The following UBE2E2 variants were observed in gnomAD, a reference collection of about 807,000 sequenced individuals.
UBE2E2 encodes ubiquitin conjugating enzyme E2 E2, also known as ubiquitin-conjugating enzyme E2 E2.
In UBE2E2, 6 loss-of-function variants were observed where a neutral mutation model predicts 24.7. The ratio of observed to expected loss-of-function variants is 0.24; its 90% CI spans 0.13 to 0.48. The LOEUF (loss-of-function observed/expected upper bound fraction) is 0.48. Ranked by LOEUF, UBE2E2 falls within the 20% of genes least tolerant of loss-of-function variation. UBE2E2 has a pLI of 0.99. For missense variants in UBE2E2, 169 were observed against 245.0 expected (o/e 0.69, Z 2.07); for synonymous variants, 104 against 83.6 (o/e 1.24, Z -1.33).
At chr3:23,244,554 A>G (rs1644205270) in intron 3 of UBE2E2, among the ~76,000 whole-genome samples, 1 of 152,200 alleles carries the variant, frequency 6.6e-6, no homozygotes, top group South Asian at 2.1e-4. Context: ...GAGTACTAGA[A>G]CAATGCTTCA....
intron 3 of UBE2E2, among the ~76,000 whole-genome samples, chr3:23,282,402 T>A (rs1698509599): frequency 6.6e-6 from 1 of 152,228 alleles, no homozygotes; most frequent in Non-Finnish European, 1.5e-5. Context: ...TTATGCATGA[T>A]TTTCCTTGCT....
chr3:23,522,200 A>G (rs1694884070), intron 4 of UBE2E2, among the ~76,000 whole-genome samples: 1 of 142,706 alleles, frequency 7.0e-6, no homozygotes, highest in South Asian at 2.2e-4. Context: ...GCACGATCTC[A>G]GCTCACTGCA....
chr3:23,322,345 G>C (rs1037105201), intron 3 of UBE2E2, among the ~76,000 whole-genome samples: 5 of 152,114 alleles, frequency 3.3e-5, no homozygotes, highest in Non-Finnish European at 5.9e-5. Flanking sequence ...TACATTTAGT[G>C]CCTGCACTTA....
Position 23,540,049 on chromosome 3 carries a change from G to GT in UBE2E2, c.508+7354dup, listed in dbSNP as rs1388298198. The stretch of plus-strand genomic sequence containing the variant: ...TATTTAGTAAGGTTTAGGAATTAGG[G>GT]TTTTTTGTTTATTATTTATTTATTT... On this transcript the variant is annotated intron_variant, in intron 5 of 5. Transcript: ENST00000396703. 4.0e-5 allele frequency among the ~76,000 whole-genome samples: 6 copies of GT among 151,852 alleles called. No individual in the cohort carries two copies. The East Asian group carries it at 1.2e-3, about 29-fold the overall frequency.
chr3:23,413,023 A>G (rs1697530012), intron 3 of UBE2E2, among the ~76,000 whole-genome samples: 1 of 141,534 alleles, frequency 7.1e-6, no homozygotes. Context: ...AGGAAGGGGA[A>G]CATCACACTC....
At chr3:23,489,370 A>T (rs1699449069) in intron 3 of UBE2E2, among the ~76,000 whole-genome samples, 1 of 152,112 alleles carries the variant, frequency 6.6e-6, no homozygotes, top group Admixed American at 6.5e-5. Context: ...GTCATTAGGT[A>T]CTAGATTCTC....
chr3:23,444,992 CTT>C (rs1215695713), intron 3 of UBE2E2, among the ~76,000 whole-genome samples: 5 of 152,204 alleles, frequency 3.3e-5, no homozygotes, highest in Middle Eastern at 3.2e-3. Flanking sequence ...GCCACCAACT[CTT>C]TTACTCCCTC....
At chr3:23,346,036 G>A (rs935710062) in intron 3 of UBE2E2, among the ~76,000 whole-genome samples, 6 of 152,202 alleles carry the variant, frequency 3.9e-5, no homozygotes, top group African/African-American at 1.2e-4. Context: ...TGTGTGATTC[G>A]TTTGTTGTTC....
At chr3:23,574,374 A>G (rs981754406) in intron 5 of UBE2E2, among the ~76,000 whole-genome samples, 5 of 152,182 alleles carry the variant, frequency 3.3e-5, no homozygotes, top group Non-Finnish European at 7.3e-5. Context: ...TAACTAAAAG[A>G]GTACAACTGG....
intron 3 of UBE2E2, among the ~76,000 whole-genome samples, chr3:23,442,600 T>C (rs1362879288): frequency 3.9e-5 from 6 of 152,370 alleles, no homozygotes; most frequent in African/African-American, 1.4e-4. Context: ...CTGTGTTGTT[T>C]TCTATAAGAT....
At chr3:23,536,696 A>G (rs1695272186) in intron 5 of UBE2E2, among the ~76,000 whole-genome samples, 2 of 152,190 alleles carry the variant, frequency 1.3e-5, no homozygotes, top group African/African-American at 4.8e-5. Context: ...TGATATATGG[A>G]ATTTAGTTCA....
chr3:23,375,404 G>A lies in UBE2E2; in HGVS notation c.228-124204G>A, dbSNP rs569629954. On this transcript the variant is annotated intron_variant, in intron 3 of 5. Transcript: ENST00000396703. Reference sequence around the variant, plus strand: ...ATTTATGGTGTGTTTTTGAGTTTTCGCTACTCTCAGTTCAGGCACTATAGT... The same window carrying A: ...ATTTATGGTGTGTTTTTGAGTTTTCACTACTCTCAGTTCAGGCACTATAGT... Among the ~76,000 whole-genome samples, 10 of 152,192 alleles carry A rather than the reference G, an allele frequency of 6.6e-5. No homozygotes were observed. The East Asian group carries it at 1.4e-3, about 21-fold the overall frequency.
At chr3:23,217,192 C>A in intron 2 of UBE2E2, 70 bp from the exon 3 acceptor site, 3 of 1,340,212 alleles carry the variant, frequency 2.2e-6, no homozygotes, top group Non-Finnish European at 3.2e-6. Context: ...TAAAATGTAA[C>A]GTTTTAATGA....
intron 3 of UBE2E2, among the ~76,000 whole-genome samples, chr3:23,301,042 C>T (rs951865463): frequency 3.3e-5 from 5 of 152,126 alleles, no homozygotes; most frequent in Non-Finnish European, 5.9e-5. Flanking sequence ...TTTAGTCTTC[C>T]ATCACTGATA....
intron 3 of UBE2E2, among the ~76,000 whole-genome samples, chr3:23,358,471 A>G (rs1451838116): frequency 2.0e-5 from 3 of 152,238 alleles, no homozygotes; most frequent in African/African-American, 7.2e-5. Flanking sequence ...AAACCTCTTT[A>G]AAGGAAGTGG....
chr3:23,292,988 G>C (rs1056245839), intron 3 of UBE2E2, among the ~76,000 whole-genome samples: 2 of 152,170 alleles, frequency 1.3e-5, no homozygotes, highest in Admixed American at 1.3e-4. Context: ...CAGGAGAATC[G>C]CTTGAACCTG....
intron 3 of UBE2E2, among the ~76,000 whole-genome samples, chr3:23,255,744 T>C (rs1697706272): frequency 6.6e-6 from 1 of 152,180 alleles, no homozygotes; most frequent in Non-Finnish European, 1.5e-5. Context: ...TTAGCAAAAA[T>C]CTAAACTATT....
At chr3:23,257,530 C>CCTTTTTTTT (rs1559459188) in intron 3 of UBE2E2, among the ~76,000 whole-genome samples, 1 of 16,258 alleles carries the variant, frequency 6.2e-5, no homozygotes, top group Non-Finnish European at 1.0e-4. Context: ...CCCCCCCCCA[C>CCTTTTTTTT]TTTTTTTTTT....
chr3:23,292,959 G>C (rs1698806894), intron 3 of UBE2E2, among the ~76,000 whole-genome samples: 1 of 152,152 alleles, frequency 6.6e-6, no homozygotes, highest in Admixed American at 6.5e-5. Flanking sequence ...TGTAATCCCA[G>C]CTACTTGAGA....
Sources: gnomAD v4.1 joint callset for allele counts (sites outside exome capture counted in the v4.1 genomes callset) on GRCh38, gnomAD v4.1.1 for gene constraint, MANE v1.5 for transcripts, NCBI Gene and HGNC (gene_info 2026-07-23, HGNC 2026-07-21) for gene names.